The following C2orf76 variants were observed in gnomAD, a reference collection of about 807,000 sequenced individuals.
C2orf76 encodes the protein chromosome 2 open reading frame 76.
C2orf76 carries 23 observed loss-of-function variants against 16.9 expected under a neutral mutation model. That is an observed-to-expected ratio of 1.36 (90% CI 0.98 to 1.93). The LOEUF is 1.93. Among genes scored for constraint, C2orf76 ranks in the 30% most tolerant of loss-of-function variants. The probability of loss-of-function intolerance (pLI) is 0.00; values close to 1 mark genes in which losing one functional copy is unlikely to be tolerated. For missense variants in C2orf76, 152 were observed against 152.6 expected (o/e 1.00, Z 0.02); for synonymous variants, 48 against 52.3 (o/e 0.92, Z 0.35).
intron 5 of C2orf76, among the ~76,000 whole-genome samples, chr2:119,305,939 C>CA (rs1678765022): frequency 1.1e-5 from 1 of 90,178 alleles, no homozygotes; most frequent in Non-Finnish European, 2.6e-5. Context: ...AAAAAAACAA[C>CA]AACAAAAAAA....
intron 3 of C2orf76, among the ~76,000 whole-genome samples, chr2:119,318,925 T>C (rs1482623750): frequency 6.6e-5 from 10 of 151,958 alleles, no homozygotes; most frequent in Admixed American, 3.3e-4. Flanking sequence ...ATTAGGGATG[T>C]AAATAAACCA....
chr2:119,348,680 C>CT (rs1680285206), intron 1 of C2orf76, among the ~76,000 whole-genome samples: 1 of 150,342 alleles, frequency 6.7e-6, no homozygotes, highest in Non-Finnish European at 1.5e-5. Context: ...GAGTGGAACT[C>CT]TGTCTTAAAA....
chr2:119,363,943 AG>A lies in C2orf76; in HGVS notation c.-13+2846del, dbSNP rs1238564041. On this transcript the variant is annotated intron_variant, in intron 1 of 5. Transcript: ENST00000334816. ...TGAGGTGGGAGAATCATCTGAGCCCAGGAAGTCAAGGCTGCAGTGAGCCATG... is the reference window on the plus strand; with the variant it reads ...TGAGGTGGGAGAATCATCTGAGCCCAGAAGTCAAGGCTGCAGTGAGCCATG... Among the ~76,000 whole-genome samples, 11 of 152,150 alleles carry A rather than the reference AG, an allele frequency of 7.2e-5. 1 individual carries two copies. In the East Asian group the frequency reaches 2.1e-3, roughly 30 times the overall value.
chr2:119,283,226 T>G, the C2orf76 span, among the ~76,000 whole-genome samples: 1 of 151,844 alleles, frequency 6.6e-6, no homozygotes, highest in African/African-American at 2.4e-5. Flanking sequence ...TGCAGGCGCT[T>G]AGCACTCAGC....
At position 119,302,476 on chromosome 2, in the gene C2orf76, C is replaced by A; in HGVS notation, c.377G>T (p.Trp126Leu). 2 of 1,344,846 alleles carry A rather than the reference C, an allele frequency of 1.5e-6. No individual in the cohort carries two copies. Among genetic ancestry groups the A allele is most frequent in the Non-Finnish European group, 2.1e-6 (2 of 965,528 alleles). The allele number at this position is 1,344,846 out of a possible 1,614,324, so 83.3% of individuals were successfully genotyped here. Residue 126 changes from tryptophan to leucine, a missense_variant, in exon 6 of 6, where the codon TGG becomes TTG. Trp to Leu is a moderately conservative substitution (Grantham distance 61). Coordinates refer to ENST00000334816, the MANE Select transcript of C2orf76 (RefSeq NM_001322331.2). ...KNYKANPISS[W>L] The stretch of plus-strand genomic sequence containing the variant: ...AAGGAAGCCCTCGAGATGTTTTCAC[C>A]AGGATGAAATGGGATTAGCTTTGTA...
chr2:119,344,197 G>A (rs563322889), intron 1 of C2orf76, among the ~76,000 whole-genome samples: 28 of 152,114 alleles, frequency 1.8e-4, no homozygotes, highest in Non-Finnish European at 3.5e-4. Flanking sequence ...CAAAACAATA[G>A]CTACTATCAG....
intron 2 of C2orf76, among the ~76,000 whole-genome samples, chr2:119,333,218 A>G (rs1679732784): frequency 6.6e-6 from 1 of 152,234 alleles, no homozygotes; most frequent in Non-Finnish European, 1.5e-5. Flanking sequence ...CTTTCAAAAA[A>G]AGAGAGGCTT....
At chr2:119,292,069 C>A in the C2orf76 span, among the ~76,000 whole-genome samples, 1 of 152,092 alleles carries the variant, frequency 6.6e-6, no homozygotes, top group African/African-American at 2.4e-5. Flanking sequence ...TTGCCTAAAG[C>A]AAACACAGAA....
chr2:119,366,322 A>AC (rs1680987185), intron 1 of C2orf76: 1 of 419,764 alleles, frequency 2.4e-6, no homozygotes, highest in African/African-American at 2.1e-5. Context: ...TGTTAAATCA[A>AC]GACAAATAAG....
chr2:119,311,611 C>T lies in C2orf76; in HGVS notation c.304+11G>A. ...GGTCCCCCTCCAGCAACACAAGGCC[C>T]CCTTCCTCACCGATTCCAGCTGCTT... On this transcript the variant is annotated intron_variant, in intron 5 of 5. Transcript: ENST00000334816. The T allele has an allele frequency of 6.2e-7, 1 of 1,612,284 alleles. No homozygotes were observed. Among genetic ancestry groups the T allele is most frequent in the Non-Finnish European group, 8.5e-7 (1 of 1,179,584 alleles).
At chr2:119,301,886 C>T (rs1478418140), downstream of C2orf76, among the ~76,000 whole-genome samples, 1 of 147,952 alleles carries the variant, frequency 6.8e-6, no homozygotes, top group African/African-American at 2.5e-5. Flanking sequence ...AAAAAAAAAT[C>T]AGCAACATTA....
At chr2:119,292,996 CTGA>C in the C2orf76 span, among the ~76,000 whole-genome samples, 1 of 152,228 alleles carries the variant, frequency 6.6e-6, no homozygotes, top group East Asian at 1.9e-4. Flanking sequence ...GATTGTGCCA[CTGA>C]ACTCCAGCCT....
intron 3 of C2orf76, among the ~76,000 whole-genome samples, chr2:119,319,946 C>T (rs993963963): frequency 1.3e-5 from 2 of 152,140 alleles, no homozygotes; most frequent in African/African-American, 2.4e-5. Flanking sequence ...CAGACAAAGC[C>T]ACTTGAAGTC....
At chr2:119,354,478 G>A (rs1335405928) in intron 1 of C2orf76, among the ~76,000 whole-genome samples, 3 of 152,176 alleles carry the variant, frequency 2.0e-5, no homozygotes, top group East Asian at 3.9e-4. Flanking sequence ...AGACAGGATC[G>A]CACCACTGCA....
chr2:119,344,271 G>A (rs1475500468), intron 1 of C2orf76, among the ~76,000 whole-genome samples: 1 of 152,164 alleles, frequency 6.6e-6, no homozygotes, highest in East Asian at 1.9e-4. Context: ...TAGAGGAGCT[G>A]CCTCAGCTTA....
intron 2 of C2orf76, among the ~76,000 whole-genome samples, chr2:119,331,859 T>A (rs1679687276): frequency 6.6e-6 from 1 of 152,212 alleles, no homozygotes; most frequent in Non-Finnish European, 1.5e-5. Flanking sequence ...TGAAAATTAT[T>A]TCCCACTTTG....
intron 5 of C2orf76, among the ~76,000 whole-genome samples, chr2:119,309,488 C>G (rs1329802867): frequency 7.6e-6 from 1 of 132,260 alleles, no homozygotes; most frequent in Non-Finnish European, 1.5e-5. Flanking sequence ...GGTATGATCT[C>G]AGCTCACTGC....
At chr2:119,319,538 C>T (rs1196410893) in intron 3 of C2orf76, among the ~76,000 whole-genome samples, 1 of 152,182 alleles carries the variant, frequency 6.6e-6, no homozygotes, top group East Asian at 1.9e-4. Context: ...GAGCATCACA[C>T]ACAGCTTTAT....
intron 2 of C2orf76, among the ~76,000 whole-genome samples, chr2:119,332,896 A>G (rs1679720646): frequency 6.6e-6 from 1 of 152,126 alleles, no homozygotes; most frequent in South Asian, 2.1e-4. Context: ...AGCCAGGCCA[A>G]TGTTTTTACA....
Sources: allele counts gnomAD v4.1 joint callset (sites outside exome capture counted in the v4.1 genomes callset), GRCh38; gene constraint gnomAD v4.1.1; transcripts MANE v1.5; gene names NCBI Gene and HGNC (gene_info 2026-07-23, HGNC 2026-07-21).